NCOA2: variants seen among roughly 807,000 people sequenced by gnomAD.
The protein encoded by NCOA2 is class E basic helix-loop-helix protein 75.
In NCOA2, 21 loss-of-function variants were observed where a neutral mutation model predicts 145.1. The ratio of observed to expected loss-of-function variants is 0.14; its 90% CI spans 0.10 to 0.21. The LOEUF (loss-of-function observed/expected upper bound fraction) is 0.21, where lower values mean the gene tolerates loss of function less well. Among genes scored for constraint, NCOA2 ranks in the 10% least tolerant of loss-of-function variants. The pLI, the probability that NCOA2 is intolerant of heterozygous loss-of-function variation, is 1.00. For synonymous variants in NCOA2, 619 were observed against 637.5 expected, an observed-to-expected ratio of 0.97 and a Z score of 0.44; for missense variants, 1,472 against 1,837.6, an observed-to-expected ratio of 0.80 and a Z score of 3.64.
rs552665171 is a variant in NCOA2, at chr8:70,399,848, C to A, written c.-77+3852G>T. On this transcript the variant is annotated intron_variant, in intron 1 of 22. Coordinates refer to ENST00000452400, the MANE Select transcript of NCOA2 (RefSeq NM_006540.4). ...AGAATTGCTTTTCAACTCAATACAA[C>A]ACAAACAATTTTTCCTAAGAAATCC... Among the ~76,000 whole-genome samples the A allele has an allele frequency of 8.3e-4, 127 of 152,282 alleles. 1 individual carries two copies. Among genetic ancestry groups the A allele is most frequent in the African/African-American group, 3.0e-3 (123 of 41,564 alleles).
upstream of NCOA2, among the ~76,000 whole-genome samples, chr8:70,406,956 C>T (rs1205399410): frequency 6.6e-6 from 1 of 152,178 alleles, no homozygotes; most frequent in East Asian, 1.9e-4. Flanking sequence ...TCAAACAAGT[C>T]ACTAAATATC....
rs758291688 is a variant in NCOA2, at chr8:70,156,223, G to T, written c.2142C>A (p.Asp714Glu). The change falls in exon 11 of 23, where the codon GAC becomes GAA. Residue 714 changes from aspartate (D) to glutamate (E), a missense_variant. Coordinates refer to ENST00000452400, the MANE Select transcript of NCOA2 (RefSeq NM_006540.4). Reference protein sequence around the residue: ...AKLTAEATGKDLSQESSSTAP... With the variant: ...AKLTAEATGKELSQESSSTAP... ...CTGTGCTGCTGGACTCCTGGCTCAGGTCTTTGCCTGTGGCTTCTGCTGTTA... is the reference window on the plus strand; with the variant it reads ...CTGTGCTGCTGGACTCCTGGCTCAGTTCTTTGCCTGTGGCTTCTGCTGTTA... 5.6e-6 allele frequency: 9 copies of T among 1,613,814 alleles called. No homozygotes were observed. The highest frequency in any genetic ancestry group is 1.3e-5 in the African/African-American group (1 of 74,890).
At chr8:70,212,066 C>CATATATATATATATATAT (rs36215324) in intron 4 of NCOA2, among the ~76,000 whole-genome samples, 27 of 144,374 alleles carry the variant, frequency 1.9e-4, no homozygotes, top group African/African-American at 5.4e-4. Flanking sequence ...CTTTGTGGCG[C>CATATATATATATATATAT]ATATATATAT....
At chr8:70,447,682 C>CTTTTTTTTTTTTTTT in the NCOA2 span, among the ~76,000 whole-genome samples, 308 of 113,030 alleles carry the variant, frequency 2.7e-3, 3 homozygotes, top group Middle Eastern at 4.9e-3. Context: ...TCTTTGTTTT[C>CTTTTTTTTTTTTTTT]TTTTTTTTTT....
At chr8:70,124,587 A>G in intron 20 of NCOA2, 101 bp downstream of exon 20, 1 of 1,222,222 alleles carries the variant, frequency 8.2e-7, no homozygotes, top group Non-Finnish European at 1.1e-6. Context: ...ACTACGTTTG[A>G]TAAAAACAAA....
intron 7 of NCOA2, among the ~76,000 whole-genome samples, chr8:70,165,275 A>G (rs1017177700): frequency 6.6e-6 from 1 of 152,208 alleles, no homozygotes; most frequent in Non-Finnish European, 1.5e-5. Context: ...TTCTCAATAA[A>G]ATTTAAATTT....
the NCOA2 span, among the ~76,000 whole-genome samples, chr8:70,421,225 G>C: frequency 1.3e-5 from 2 of 152,014 alleles, no homozygotes; most frequent in African/African-American, 4.8e-5. Context: ...GACAGAACTT[G>C]AGAGGGGAAA....
At chr8:70,283,680 T>C (rs1287832082) in intron 2 of NCOA2, among the ~76,000 whole-genome samples, 1 of 152,244 alleles carries the variant, frequency 6.6e-6, no homozygotes, top group East Asian at 1.9e-4. Flanking sequence ...TGATAATATG[T>C]CAAAATAATA....
intron 2 of NCOA2, among the ~76,000 whole-genome samples, chr8:70,230,607 G>C (rs1320155449): frequency 2.0e-5 from 3 of 152,136 alleles, no homozygotes; most frequent in Non-Finnish European, 4.4e-5. Flanking sequence ...TATGAGCAAG[G>C]ACTTCTCTAG....
intron 2 of NCOA2, among the ~76,000 whole-genome samples, chr8:70,254,960 C>T (rs1238465044): frequency 6.6e-6 from 1 of 152,168 alleles, no homozygotes; most frequent in Non-Finnish European, 1.5e-5. Context: ...TTTGCTTATA[C>T]TTTCAACATT....
chr8:70,154,612 C>A (rs1361207651), intron 11 of NCOA2, among the ~76,000 whole-genome samples: 1 of 152,194 alleles, frequency 6.6e-6, no homozygotes, highest in African/African-American at 2.4e-5. Flanking sequence ...TCATGCTGCC[C>A]AGGCTGGTCT....
chr8:70,367,993 A>G (rs1810869511), intron 1 of NCOA2, among the ~76,000 whole-genome samples: 1 of 152,178 alleles, frequency 6.6e-6, no homozygotes, highest in African/African-American at 2.4e-5. Context: ...TTCAACATAG[A>G]CTCAGAAGTA....
At chr8:70,440,756 A>C in the NCOA2 span, among the ~76,000 whole-genome samples, 1 of 151,694 alleles carries the variant, frequency 6.6e-6, no homozygotes, top group Non-Finnish European at 1.5e-5. Flanking sequence ...AGAAAGAGAG[A>C]AAGAGGAAAG....
intron 15 of NCOA2, among the ~76,000 whole-genome samples, chr8:70,133,515 C>A (rs1270443001): frequency 6.6e-6 from 1 of 152,182 alleles, no homozygotes; most frequent in Non-Finnish European, 1.5e-5. Flanking sequence ...TGAGCCACCA[C>A]ATCTAGCCTA....
intron 2 of NCOA2, among the ~76,000 whole-genome samples, chr8:70,237,627 G>A (rs914234634): frequency 2.0e-5 from 3 of 151,508 alleles, no homozygotes; most frequent in Non-Finnish European, 2.9e-5. Context: ...AAAATTATCC[G>A]GGCATGCTGG....
At chr8:70,212,641 T>C (rs1361967323) in intron 4 of NCOA2, among the ~76,000 whole-genome samples, 1 of 152,162 alleles carries the variant, frequency 6.6e-6, no homozygotes, top group African/African-American at 2.4e-5. Context: ...TGCTAATAGG[T>C]AGCTAGGATT....
intron 22 of NCOA2, among the ~76,000 whole-genome samples, chr8:70,115,432 TG>T (rs1321482995): frequency 6.6e-6 from 1 of 152,238 alleles, no homozygotes; most frequent in African/African-American, 2.4e-5. Context: ...TCATGCTGCC[TG>T]GGGTGTACCC....
At chr8:70,331,457 A>G (rs1172012777) in intron 1 of NCOA2, among the ~76,000 whole-genome samples, 1 of 152,178 alleles carries the variant, frequency 6.6e-6, no homozygotes, top group East Asian at 1.9e-4. Flanking sequence ...ATTAAATTAC[A>G]GATTTTTTCC....
chr8:70,281,355 CAAAAAAAAAAAAAAAA>C (rs372574771), intron 2 of NCOA2, among the ~76,000 whole-genome samples: 4 of 60,992 alleles, frequency 6.6e-5, no homozygotes, highest in African/African-American at 2.2e-4. Context: ...GACCCTGTCT[CAAAAAAAAAAAAAAAA>C]AAAAAAAAAA....
Sources: allele counts gnomAD v4.1 joint callset (sites outside exome capture counted in the v4.1 genomes callset), GRCh38; gene constraint gnomAD v4.1.1; transcripts MANE v1.5; gene names NCBI Gene and HGNC (gene_info 2026-07-23, HGNC 2026-07-21).